The following PRELP variants were observed in gnomAD, a reference collection of about 807,000 sequenced individuals.
PRELP encodes proline and arginine rich end leucine rich repeat protein, also known as prolargin.
In PRELP, 16 loss-of-function variants were observed where a neutral mutation model predicts 22.8. The observed-to-expected ratio is 0.70, with a 90% CI of 0.47 to 1.06. The LOEUF is 1.06. Ranked by LOEUF, PRELP falls within the 50% of genes least tolerant of loss-of-function variation. The pLI, the probability that PRELP is intolerant of heterozygous loss-of-function variation, is 0.00. For missense variants in PRELP, 434 were observed against 485.2 expected, an observed-to-expected ratio of 0.89 and a Z score of 0.99; for synonymous variants, 233 against 211.4, an observed-to-expected ratio of 1.10 and a Z score of -0.89.
In PRELP at chr1:203,483,598, C is replaced by G; in HGVS notation, c.414C>G (p.Ile138Met). ...LRWINLDNNR[I>M]RKIDQRVLEK... Reference sequence around the variant, plus strand: ...GGATTAACCTGGACAACAACCGAATCCGCAAGATAGACCAGAGGGTGCTGG... The same window carrying G: ...GGATTAACCTGGACAACAACCGAATGCGCAAGATAGACCAGAGGGTGCTGG... Residue 138 changes from isoleucine (I) to methionine (M), a missense_variant, in exon 2 of 3, where the codon ATC becomes ATG. Physicochemically the swap from Ile to Met is conservative, Grantham distance 10. Coordinates refer to ENST00000343110, the MANE Select transcript of PRELP (RefSeq NM_002725.4). This position sits in a 1 kb window ranked among gnomAD's most constrained non-coding sequence, Gnocchi z 4.4. The G allele has an allele frequency of 6.2e-7, 1 of 1,614,256 alleles. No individual in the cohort carries two copies. The highest frequency in any genetic ancestry group is 8.5e-7 in the Non-Finnish European group (1 of 1,180,050).
chr1:203,476,477 G>A (rs1423701657), intron 1 of PRELP, among the ~76,000 whole-genome samples: 2 of 152,084 alleles, frequency 1.3e-5, no homozygotes, highest in African/African-American at 4.8e-5. Flanking sequence ...ATGCACACAT[G>A]TTCCCTGCAT....
chr1:203,485,065 G>GTTTGGACACCAA (rs1661068996), intron 2 of PRELP, among the ~76,000 whole-genome samples: 1 of 151,976 alleles, frequency 6.6e-6, no homozygotes, highest in Non-Finnish European at 1.5e-5. Flanking sequence ...GAATGAGATG[G>GTTTGGACACCAA]AGATTGTTGG....
Position 203,483,102 on chromosome 1 carries a change from T to C in PRELP, c.-16-67T>C. 1 of 1,346,590 alleles carries C rather than the reference T, an allele frequency of 7.4e-7. No individual in the cohort carries two copies. Among genetic ancestry groups the C allele is most frequent in the Non-Finnish European group, 1.0e-6 (1 of 982,488 alleles). The allele number at this position is 1,346,590 out of a possible 1,614,324, so 83.4% of individuals were successfully genotyped here. On this transcript the variant is annotated intron_variant, in intron 1 of 2. Transcript: ENST00000343110. This position sits in a 1 kb window ranked among gnomAD's most constrained non-coding sequence, Gnocchi z 4.4. Reference sequence around the variant, plus strand: ...AGCTCTAGTTCTGCCCAACTCTGGCTTCAAAAACATGACAACTAGTTACTG... The same window carrying C: ...AGCTCTAGTTCTGCCCAACTCTGGCCTCAAAAACATGACAACTAGTTACTG...
chr1:203,484,370 G>A (rs757788058), intron 2 of PRELP, among the ~76,000 whole-genome samples: 2 of 152,240 alleles, frequency 1.3e-5, no homozygotes, highest in Non-Finnish European at 1.5e-5. Context: ...AGTGAGAATG[G>A]TAACAATATC....
rs144684268 is a variant in PRELP at position 203,478,575 on chromosome 1, C to A, written c.-17+2637C>A. ...TTAAAGCTGCTAACTGCACTTGCTT[C>A]TGACAATTGGGTAAGGAATATAGGT... is the stretch of plus-strand genomic sequence containing the variant. On this transcript the variant is annotated intron_variant, in intron 1 of 2. Transcript: ENST00000343110. Among the ~76,000 whole-genome samples, 197 of 152,284 alleles carry A rather than the reference C, an allele frequency of 1.3e-3. 3 individuals carry two copies. The East Asian group carries it at 0.022, about 17-fold the overall frequency.
intron 2 of PRELP, among the ~76,000 whole-genome samples, chr1:203,484,910 G>C (rs1381856070): frequency 6.6e-6 from 1 of 152,150 alleles, no homozygotes; most frequent in African/African-American, 2.4e-5. Flanking sequence ...GAAAGGTTTA[G>C]AAGTGAAATA....
In PRELP at chr1:203,491,271, T is replaced by C. The variant is rs902205917; in HGVS notation, c.*4390T>C. On this transcript the variant is annotated 3_prime_UTR_variant, in exon 3 of 3. Transcript: ENST00000343110. This position sits in a 1 kb window ranked among gnomAD's most constrained non-coding sequence, Gnocchi z 4.4. ...ACCCACATCTTATAAAATGGCCCCA[T>C]CCCTATCTCCCTTCGCTGACTCTTT... The C allele has an allele frequency of 5.3e-5, 8 of 151,678 alleles. No homozygotes were observed. Among genetic ancestry groups the C allele is most frequent in the African/African-American group, 1.9e-4 (8 of 41,276 alleles). The allele number at this position is 151,678 out of a possible 1,614,324, so 9.4% of individuals were successfully genotyped here.
At chr1:203,479,567 G>C (rs543545995) in intron 1 of PRELP, among the ~76,000 whole-genome samples, 2 of 151,892 alleles carry the variant, frequency 1.3e-5, no homozygotes, top group Non-Finnish European at 2.9e-5. Context: ...GCCAGCTGTG[G>C]TAGCACATGC....
intron 1 of PRELP, among the ~76,000 whole-genome samples, chr1:203,478,181 A>G (rs1404004499): frequency 6.6e-6 from 1 of 152,258 alleles, no homozygotes; most frequent in East Asian, 1.9e-4. Context: ...TTTATAGAGC[A>G]GAAAAGCAAT....
intron 1 of PRELP, among the ~76,000 whole-genome samples, chr1:203,477,899 T>C (rs1660939659): frequency 6.6e-6 from 1 of 151,954 alleles, no homozygotes; most frequent in Non-Finnish European, 1.5e-5. Context: ...ACTTCCAGAG[T>C]CTCCTCAGTT....
intron 1 of PRELP, among the ~76,000 whole-genome samples, chr1:203,478,401 G>A (rs927592175): frequency 3.3e-5 from 5 of 152,150 alleles, no homozygotes; most frequent in African/African-American, 9.7e-5. Context: ...CGCTCAGAAT[G>A]GAAAACTTTC....
At chr1:203,478,680 T>C (rs28717370) in intron 1 of PRELP, among the ~76,000 whole-genome samples, 83,622 of 151,844 alleles carry the variant, frequency 0.55, 23,522 homozygotes, top group East Asian at 0.8. Flanking sequence ...TAGGTAGTGG[T>C]GGAGGGGTGA....
At position 203,487,636 on chromosome 1, in the gene PRELP, G is replaced by C. The variant is rs141843110; in HGVS notation, c.*755G>C. On this transcript the variant is annotated 3_prime_UTR_variant, in exon 3 of 3. Coordinates refer to ENST00000343110, the MANE Select transcript of PRELP (RefSeq NM_002725.4). ...CCAAGGAACTAGGAAGCAGCCATGG[G>C]AGAGGGGAAGGGTTCAAGCCCGGGA... 2.0e-5 allele frequency: 3 copies of C among 152,784 alleles called. No individual in the cohort carries two copies. Among genetic ancestry groups the C allele is most frequent in the Non-Finnish European group, 4.4e-5 (3 of 68,226 alleles). The allele number at this position is 152,784 out of a possible 1,614,324, so 9.5% of individuals were successfully genotyped here.
chr1:203,490,551 T>C lies in PRELP; in HGVS notation c.*3670T>C, dbSNP rs1268990966. On this transcript the variant is annotated 3_prime_UTR_variant, in exon 3 of 3. Coordinates refer to ENST00000343110, the MANE Select transcript of PRELP (RefSeq NM_002725.4). ...AAAGCTTACAGACTAACTGGGGAGA[T>C]GTAGTGTGCATACAAAACAGTAAAA... 6.6e-6 allele frequency: 1 copy of C among 152,128 alleles called. No individual in the cohort carries two copies. The highest frequency in any genetic ancestry group is 1.5e-5 in the Non-Finnish European group (1 of 68,030). 9.4% of individuals were successfully genotyped at this position (152,128 alleles called of 1,614,324 possible).
chr1:203,488,323 A>G lies in PRELP; in HGVS notation c.*1442A>G, dbSNP rs1236636188. ...TGCCTGAGCTCAGGAGTTCGAAACC[A>G]CCCTGGGCAACATGGTGAAACCCCC... On this transcript the variant is annotated 3_prime_UTR_variant, in exon 3 of 3. Coordinates refer to ENST00000343110, the MANE Select transcript of PRELP (RefSeq NM_002725.4). 1.3e-5 allele frequency: 2 copies of G among 152,070 alleles called. No homozygotes were observed. Among genetic ancestry groups the G allele is most frequent in the South Asian group, 2.1e-4 (1 of 4,828 alleles). The allele number at this position is 152,070 out of a possible 1,614,324, so 9.4% of individuals were successfully genotyped here.
rs61241981 is a variant in PRELP at position 203,486,231 on chromosome 1, C to T, written c.974-475C>T. Reference sequence around the variant, plus strand: ...CTCACAAAGACAGTCCTGTTCACTGCCATTCCTCAGACCAGAGATCAAAAG... The same window carrying T: ...CTCACAAAGACAGTCCTGTTCACTGTCATTCCTCAGACCAGAGATCAAAAG... On this transcript the variant is annotated intron_variant, in intron 2 of 2. Coordinates refer to ENST00000343110, the MANE Select transcript of PRELP (RefSeq NM_002725.4). Among the ~76,000 whole-genome samples, 850 of 152,296 alleles carry T rather than the reference C, an allele frequency of 5.6e-3. 8 individuals are homozygous for T. Among genetic ancestry groups the T allele is most frequent in the African/African-American group, 0.02 (818 of 41,554 alleles).
intron 1 of PRELP, among the ~76,000 whole-genome samples, chr1:203,479,807 A>G (rs903341419): frequency 6.6e-6 from 1 of 151,556 alleles, no homozygotes; most frequent in Non-Finnish European, 1.5e-5. Flanking sequence ...TGCCACTTGC[A>G]GAGATTTTGC....
At position 203,483,399 on chromosome 1, in the gene PRELP, A is replaced by T; in HGVS notation, c.215A>T (p.Asp72Val). Residue 72 changes from aspartate to valine, a missense_variant, in exon 2 of 3, where the codon GAC becomes GTC. Coordinates refer to ENST00000343110, the MANE Select transcript of PRELP (RefSeq NM_002725.4). This position sits in a 1 kb window ranked among gnomAD's most constrained non-coding sequence, Gnocchi z 4.4. ...LPPGPPSIFP[D>V]CPRECYCPPD... ...CCAGGCCCTCCATCTATCTTCCCTG[A>T]CTGTCCCCGCGAATGCTACTGCCCC... 6.2e-7 allele frequency: 1 copy of T among 1,613,848 alleles called. No individual in the cohort carries two copies. The highest frequency in any genetic ancestry group is 8.5e-7 in the Non-Finnish European group (1 of 1,179,930).
At chr1:203,478,610 A>G (rs2102204825) in intron 1 of PRELP, among the ~76,000 whole-genome samples, 1 of 152,256 alleles carries the variant, frequency 6.6e-6, no homozygotes, top group African/African-American at 2.4e-5. Context: ...TATAGGGAAG[A>G]TTTTTTTATT....
Sources: gnomAD v4.1 joint callset for allele counts (sites outside exome capture counted in the v4.1 genomes callset) on GRCh38, gnomAD v4.1.1 for gene constraint, Gnocchi (gnomAD v3.1) non-coding constraint, MANE v1.5 for transcripts, NCBI Gene and HGNC (gene_info 2026-07-23, HGNC 2026-07-21) for gene names.